The following CELF1 variants were observed in gnomAD, a reference collection of about 807,000 sequenced individuals.
CELF1 encodes the protein CUGBP Elav-like family member 1.
In CELF1, 10 loss-of-function variants were observed where a neutral mutation model predicts 61.8. The observed-to-expected ratio is 0.16, with a 90% CI of 0.10 to 0.27. The LOEUF (loss-of-function observed/expected upper bound fraction) is 0.27, where lower values mean the gene tolerates loss of function less well. Ranked by LOEUF, CELF1 falls within the 10% of genes least tolerant of loss-of-function variation. The pLI, the probability that CELF1 is intolerant of heterozygous loss-of-function variation, is 1.00. For synonymous variants in CELF1, 236 were observed against 225.1 expected, an observed-to-expected ratio of 1.05 and a Z score of -0.43; for missense variants, 380 against 639.1, an observed-to-expected ratio of 0.59 and a Z score of 4.37.
chr11:47,484,374 G>C lies in CELF1; in HGVS notation c.526+15C>G, dbSNP rs1178975326. ...CAAAAAACCAAAAGATTATTTAAAA[G>C]CTAAAACTACCTACCTCGGCTCAGG... On this transcript the variant is annotated intron_variant, in intron 7 of 14. Transcript: ENST00000687097. 1.3e-6 allele frequency: 2 copies of C among 1,597,444 alleles called. No individual in the cohort carries two copies. The highest frequency in any genetic ancestry group is 2.7e-5 in the African/African-American group (2 of 73,240).
chr11:47,506,334 G>C (rs995087093), intron 1 of CELF1, among the ~76,000 whole-genome samples: 3 of 151,450 alleles, frequency 2.0e-5, no homozygotes, highest in Non-Finnish European at 4.4e-5. Context: ...GGCTGAGCCA[G>C]GAGAATTGCT....
In CELF1 at chr11:47,470,440, T is replaced by C. The variant is rs2077441401; in HGVS notation, c.*1790A>G. On this transcript the variant is annotated 3_prime_UTR_variant, in exon 15 of 15. Transcript: ENST00000687097. ...TGCGCAGAATTTCAAGTTTACGTGG[T>C]TCAGCTTAAGAAGTGTATGTTTCAC... The C allele has an allele frequency of 6.6e-6, 1 of 152,094 alleles. No homozygotes were observed. The highest frequency in any genetic ancestry group is 1.5e-5 in the Non-Finnish European group (1 of 68,032). The allele number at this position is 152,094 out of a possible 1,614,324, so 9.4% of individuals were successfully genotyped here.
rs1392507089 is a variant in CELF1, at chr11:47,500,867, G to T, written c.-88C>A. 7 of 398,056 alleles carry T rather than the reference G, an allele frequency of 1.8e-5. No homozygotes were observed. The highest frequency in any genetic ancestry group is 2.7e-5 in the Non-Finnish European group (6 of 226,020). 24.7% of individuals were successfully genotyped at this position (398,056 alleles called of 1,614,324 possible). A position where few individuals can be genotyped will look rare whatever the true frequency, so the allele number is the denominator to read the frequency against. On this transcript the variant is annotated 5_prime_UTR_variant, in exon 2 of 15. Coordinates refer to ENST00000687097, the MANE Select transcript of CELF1 (RefSeq NM_001376376.1). ...ATCATTAGAGTTGCCTTACCTCAAA[G>T]ATTTCACTTCACCCAAGCTCAGTTC...
At chr11:47,527,583 T>A (rs1489211375) in intron 1 of CELF1, among the ~76,000 whole-genome samples, 1 of 152,140 alleles carries the variant, frequency 6.6e-6, no homozygotes, top group Non-Finnish European at 1.5e-5. Context: ...ATTAAGCCTC[T>A]TCATTGTATA....
intron 9 of CELF1, 72 bp downstream of exon 9, chr11:47,482,623 G>A: frequency 6.9e-7 from 1 of 1,448,660 alleles, no homozygotes; most frequent in South Asian, 1.3e-5. Context: ...TGTGTTTGTT[G>A]GCTAGGGACA....
chr11:47,525,302 CA>C (rs1208310860), intron 1 of CELF1, among the ~76,000 whole-genome samples: 3 of 152,076 alleles, frequency 2.0e-5, no homozygotes, highest in Non-Finnish European at 2.9e-5. Flanking sequence ...ATTTGTGTTC[CA>C]AAAATTATTT....
At chr11:47,520,388 T>G (rs2095822058) in intron 1 of CELF1, among the ~76,000 whole-genome samples, 1 of 152,208 alleles carries the variant, frequency 6.6e-6, no homozygotes, top group Non-Finnish European at 1.5e-5. Context: ...TTGAACAGAC[T>G]TCTCTGTGTT....
intron 8 of CELF1, 140 bp downstream of exon 8, chr11:47,483,313 T>G (rs2084575676): frequency 7.3e-6 from 5 of 685,718 alleles, no homozygotes; most frequent in South Asian, 1.7e-5. Flanking sequence ...TTTAAAGAAA[T>G]CAGTGGTTTT....
intron 1 of CELF1, among the ~76,000 whole-genome samples, chr11:47,527,751 A>G (rs974464192): frequency 1.3e-5 from 2 of 152,176 alleles, no homozygotes; most frequent in Non-Finnish European, 2.9e-5. Context: ...AGCTTTAATT[A>G]CCTGTATGTT....
At chr11:47,486,903 G>C in intron 5 of CELF1, 105 bp from the exon 6 acceptor site, 1 of 912,832 alleles carries the variant, frequency 1.1e-6, no homozygotes, top group East Asian at 2.4e-5. Context: ...AGTTCTCTCT[G>C]AACTCATGTC....
intron 9 of CELF1, among the ~76,000 whole-genome samples, chr11:47,481,255 G>A (rs1410861058): frequency 6.6e-6 from 1 of 151,466 alleles, no homozygotes; most frequent in Non-Finnish European, 1.5e-5. Flanking sequence ...AGCTTCCCGA[G>A]CAGCTGGGAT....
At chr11:47,525,952 A>G (rs61895107) in intron 1 of CELF1, among the ~76,000 whole-genome samples, 2 of 139,590 alleles carry the variant, frequency 1.4e-5, no homozygotes, top group African/African-American at 5.3e-5. Context: ...AAAAAAAAAA[A>G]GGAAGAAAGA....
At chr11:47,545,362 C>A in intron 1 of CELF1, among the ~76,000 whole-genome samples, 1 of 152,134 alleles carries the variant, frequency 6.6e-6, no homozygotes, top group Non-Finnish European at 1.5e-5. Flanking sequence ...CCCCTCCCAG[C>A]AGAGGTTGCA....
chr11:47,473,376 A>C (rs2078516288), intron 13 of CELF1, 145 bp from the exon 14 acceptor site: 1 of 749,236 alleles, frequency 1.3e-6, no homozygotes, highest in Non-Finnish European at 2.1e-6. Flanking sequence ...AGATTCTCTA[A>C]ATACAAAGCA....
chr11:47,545,677 A>C (rs1302456410), intron 1 of CELF1, among the ~76,000 whole-genome samples: 2 of 152,036 alleles, frequency 1.3e-5, no homozygotes, highest in East Asian at 1.9e-4. Flanking sequence ...GTTTTACAAA[A>C]TTTGTAGGAA....
chr11:47,541,802 G>C lies in CELF1; in HGVS notation c.-154+11190C>G, dbSNP rs11039283. On this transcript the variant is annotated intron_variant, in intron 1 of 14. Coordinates refer to ENST00000687097, the MANE Select transcript of CELF1 (RefSeq NM_001376376.1). ...AGAACGAAAGAAAGAACGAAAGAAA[G>C]AAAGAAAGAAAGAAAGAAAGAAAGA... is the stretch of plus-strand genomic sequence containing the variant. Among the ~76,000 whole-genome samples the C allele has an allele frequency of 1.9e-5, 2 of 104,202 alleles. 1 individual carries two copies. Among genetic ancestry groups the C allele is most frequent in the African/African-American group, 6.8e-5 (2 of 29,212 alleles). 68.4% of individuals were successfully genotyped at this position (104,202 alleles called of 152,430 possible). A position where few individuals can be genotyped will look rare whatever the true frequency, so the allele number is the denominator to read the frequency against.
chr11:47,474,597 C>G (rs950163971), intron 13 of CELF1, among the ~76,000 whole-genome samples: 1 of 152,210 alleles, frequency 6.6e-6, no homozygotes, highest in African/African-American at 2.4e-5. Flanking sequence ...CTACCACATC[C>G]CTAGGGGATA....
intron 6 of CELF1, 100 bp from the exon 7 acceptor site, chr11:47,484,623 G>A (rs1348243873): frequency 3.2e-6 from 3 of 937,608 alleles, no homozygotes; most frequent in Non-Finnish European, 4.9e-6. Context: ...TCCTGGCTCT[G>A]TACCATATTT....
rs576174922 is a variant in CELF1, at chr11:47,552,823, G to A, written c.-154+169C>T. 5.3e-5 allele frequency among the ~76,000 whole-genome samples: 8 copies of A among 152,304 alleles called. No individual in the cohort carries two copies. In the East Asian group the frequency reaches 1.4e-3, roughly 26 times the overall value. On this transcript the variant is annotated intron_variant, in intron 1 of 14. Transcript: ENST00000687097. Reference sequence around the variant, plus strand: ...GGGAGCCGGGGACCCCGACATGCAGGAGGAGATCGCAGCCCTACCCCAGGA... The same window carrying A: ...GGGAGCCGGGGACCCCGACATGCAGAAGGAGATCGCAGCCCTACCCCAGGA...
Sources: gnomAD v4.1 joint callset for allele counts (sites outside exome capture counted in the v4.1 genomes callset) on GRCh38, gnomAD v4.1.1 for gene constraint, MANE v1.5 for transcripts, NCBI Gene and HGNC (gene_info 2026-07-23, HGNC 2026-07-21) for gene names.